The following CRACD variants were observed in gnomAD, a reference collection of about 807,000 sequenced individuals.
CRACD encodes capping protein inhibiting regulator of actin dynamics, also known as capping protein-inhibiting regulator of actin dynamics.
CRACD carries 56 observed loss-of-function variants against 106.8 expected under a neutral mutation model. That is an observed-to-expected ratio of 0.52 (90% CI 0.42 to 0.66). The LOEUF (loss-of-function observed/expected upper bound fraction) is 0.66, where lower values mean the gene tolerates loss of function less well. Among genes scored for constraint, CRACD ranks in the 30% least tolerant of loss-of-function variants. The probability of loss-of-function intolerance (pLI) is 0.00; values close to 1 mark genes in which losing one functional copy is unlikely to be tolerated. For synonymous variants in CRACD, 754 were observed against 670.8 expected, an observed-to-expected ratio of 1.12 and a Z score of -1.92; for missense variants, 1,730 against 1,623.2, an observed-to-expected ratio of 1.07 and a Z score of -1.13.
rs151199971 is a variant in CRACD at position 56,227,714 on chromosome 4, G to A, written c.-188-44607G>A. The stretch of plus-strand genomic sequence containing the variant: ...GGTATTCCAACAAAACTCTATTTAC[G>A]AAAACAAATATGGGCCACACTTTGA... On this transcript the variant is annotated intron_variant, in intron 2 of 10. Coordinates refer to ENST00000682029, the MANE Select transcript of CRACD (RefSeq NM_001393381.1). Among the ~76,000 whole-genome samples, 609 of 152,236 alleles carry A rather than the reference G, an allele frequency of 4.0e-3. 2 individuals carry two copies. Among genetic ancestry groups the A allele is most frequent in the African/African-American group, 0.014 (573 of 41,546 alleles).
intron 1 of CRACD, among the ~76,000 whole-genome samples, chr4:56,150,889 T>C (rs1254953647): frequency 6.6e-6 from 1 of 152,220 alleles, no homozygotes; most frequent in Non-Finnish European, 1.5e-5. Flanking sequence ...TGTTGAGTCA[T>C]GGGGGATGTG....
At chr4:56,296,308 A>G (rs1560523349) in intron 3 of CRACD, among the ~76,000 whole-genome samples, 1 of 152,068 alleles carries the variant, frequency 6.6e-6, no homozygotes, top group African/African-American at 2.4e-5. Context: ...TAAATGAGAT[A>G]ATGAAAGTAA....
At chr4:56,117,351 A>G (rs1577673998) in intron 1 of CRACD, among the ~76,000 whole-genome samples, 1 of 152,102 alleles carries the variant, frequency 6.6e-6, no homozygotes, top group African/African-American at 2.4e-5. Flanking sequence ...TTACTTTTCC[A>G]TAATGAAACT....
chr4:56,254,476 CTTA>C (rs926787428), intron 2 of CRACD, among the ~76,000 whole-genome samples: 2 of 151,514 alleles, frequency 1.3e-5, no homozygotes, highest in African/African-American at 4.9e-5. Flanking sequence ...AAGGCGACTT[CTTA>C]TTATTTTCCT....
In CRACD at chr4:56,238,593, G is replaced by T. The variant is rs1326553170; in HGVS notation, c.-188-33728G>T. Among the ~76,000 whole-genome samples the T allele has an allele frequency of 2.0e-5, 3 of 152,280 alleles. No individual in the cohort carries two copies. In the East Asian group the frequency reaches 5.8e-4, roughly 29 times the overall value. ...ACATGGAGAGGATGGATATAGCGGT[G>T]CAGCCATTTTTGGAAAATACAATCT... On this transcript the variant is annotated intron_variant, in intron 2 of 10. Transcript: ENST00000682029.
chr4:56,240,770 C>T (rs1349929847), intron 2 of CRACD, among the ~76,000 whole-genome samples: 3 of 152,298 alleles, frequency 2.0e-5, no homozygotes, highest in East Asian at 1.9e-4. Context: ...AGGCATAAGC[C>T]GCCACACCTA....
intron 1 of CRACD, among the ~76,000 whole-genome samples, chr4:56,095,139 T>C (rs1183194992): frequency 6.6e-6 from 1 of 151,972 alleles, no homozygotes; most frequent in African/African-American, 2.4e-5. Flanking sequence ...ATCACCTGAG[T>C]CCAGGAGTTT....
At chr4:56,067,782 G>T (rs1732510502) in intron 1 of CRACD, among the ~76,000 whole-genome samples, 1 of 152,084 alleles carries the variant, frequency 6.6e-6, no homozygotes, top group Non-Finnish European at 1.5e-5. Flanking sequence ...CACCATGTTG[G>T]CCAGACTAGA....
intron 1 of CRACD, among the ~76,000 whole-genome samples, chr4:56,146,250 C>T (rs1432276184): frequency 2.6e-5 from 4 of 151,856 alleles, no homozygotes; most frequent in South Asian, 2.1e-4. Context: ...TAAAGGCATT[C>T]GTTTTATTAT....
At chr4:56,196,254 C>T (rs1264804897) in intron 2 of CRACD, 3 of 152,640 alleles carry the variant, frequency 2.0e-5, no homozygotes, top group African/African-American at 7.2e-5. Context: ...ATGGAGGATA[C>T]AGGACAGAAT....
intron 2 of CRACD, among the ~76,000 whole-genome samples, chr4:56,249,419 G>T (rs902874391): frequency 8.5e-4 from 126 of 148,678 alleles, no homozygotes; most frequent in African/African-American, 3.0e-3. Context: ...TTTTGATGGG[G>T]TTGTTTGTTT....
chr4:56,159,990 A>G (rs1054144963), intron 1 of CRACD, among the ~76,000 whole-genome samples: 5 of 151,726 alleles, frequency 3.3e-5, no homozygotes, highest in Non-Finnish European at 5.9e-5. Flanking sequence ...CATGTTGGTC[A>G]GGCTGGTCTT....
At chr4:56,204,724 T>C (rs958874185) in intron 2 of CRACD, among the ~76,000 whole-genome samples, 9 of 152,200 alleles carry the variant, frequency 5.9e-5, no homozygotes, top group Admixed American at 6.5e-5. Flanking sequence ...GCAAAGTGGA[T>C]CATTATAATC....
chr4:56,169,522 G>A (rs1736276918), intron 1 of CRACD, among the ~76,000 whole-genome samples: 2 of 152,054 alleles, frequency 1.3e-5, no homozygotes, highest in Non-Finnish European at 2.9e-5. Flanking sequence ...TTTTGAGACA[G>A]GATCTGGCTC....
At chr4:56,109,725 A>G (rs1236209103) in intron 1 of CRACD, among the ~76,000 whole-genome samples, 1 of 152,066 alleles carries the variant, frequency 6.6e-6, no homozygotes, top group Non-Finnish European at 1.5e-5. Flanking sequence ...TTAAAATTCC[A>G]TAAGTAAATG....
At chr4:56,055,314 C>T (rs1347424124) in intron 1 of CRACD, among the ~76,000 whole-genome samples, 1 of 151,692 alleles carries the variant, frequency 6.6e-6, no homozygotes, top group Non-Finnish European at 1.5e-5. Flanking sequence ...TAGGATAAGC[C>T]GGATTCAAGG....
chr4:56,207,503 G>A (rs1298152796), intron 2 of CRACD, among the ~76,000 whole-genome samples: 1 of 151,986 alleles, frequency 6.6e-6, no homozygotes. Context: ...AGCAATAAAG[G>A]TACCATTAAA....
chr4:56,123,570 T>A (rs999745119), intron 1 of CRACD, among the ~76,000 whole-genome samples: 12 of 152,194 alleles, frequency 7.9e-5, no homozygotes, highest in African/African-American at 2.9e-4. Context: ...AGCAAATCAA[T>A]TTCAGAGGAG....
intron 3 of CRACD, among the ~76,000 whole-genome samples, chr4:56,274,583 A>G (rs1322218610): frequency 1.3e-5 from 2 of 152,158 alleles, no homozygotes; most frequent in Non-Finnish European, 2.9e-5. Context: ...TCCACTTTGG[A>G]TCAAATAGCT....
Sources: gnomAD v4.1 joint callset for allele counts (sites outside exome capture counted in the v4.1 genomes callset) on GRCh38, gnomAD v4.1.1 for gene constraint, MANE v1.5 for transcripts, NCBI Gene and HGNC (gene_info 2026-07-23, HGNC 2026-07-21) for gene names.